The following PSMD11 variants were observed in gnomAD, a reference collection of about 807,000 sequenced individuals.
PSMD11 encodes 26S proteasome non-ATPase regulatory subunit 11.
In PSMD11, 5 loss-of-function variants were observed where a neutral mutation model predicts 62.3. The ratio of observed to expected loss-of-function variants is 0.08; its 90% CI spans 0.04 to 0.17. The LOEUF is 0.17. Among genes scored for constraint, PSMD11 ranks in the 10% least tolerant of loss-of-function variants. The probability of loss-of-function intolerance (pLI) is 1.00; values close to 1 mark genes in which losing one functional copy is unlikely to be tolerated. For synonymous variants in PSMD11, 191 were observed against 191.8 expected (o/e 1.00, Z 0.03); for missense variants, 310 against 512.9 (o/e 0.60, Z 3.82).
Position 32,473,582 on chromosome 17 carries a change from A to AT in PSMD11, c.644-206dup, listed in dbSNP as rs112811195. ...GGCGTGAGCTGAAACCGTGCCCAGC[A>AT]TTTTTTTTTTTTTCAAGAGATGGGG... is the stretch of plus-strand genomic sequence containing the variant. On this transcript the variant is annotated intron_variant, in intron 6 of 13. Transcript: ENST00000261712. 7.9e-3 allele frequency among the ~76,000 whole-genome samples: 1,071 copies of AT among 135,802 alleles called. 12 individuals are homozygous for AT. Among genetic ancestry groups the AT allele is most frequent in the African/African-American group, 0.022 (816 of 36,868 alleles). 89.1% of individuals were successfully genotyped at this position (135,802 alleles called of 152,430 possible). A position where few individuals can be genotyped will look rare whatever the true frequency, so the allele number is the denominator to read the frequency against.
At chr17:32,463,749 A>G (rs1907911877) in intron 3 of PSMD11, among the ~76,000 whole-genome samples, 1 of 152,214 alleles carries the variant, frequency 6.6e-6, no homozygotes, top group African/African-American at 2.4e-5. Flanking sequence ...AGAAATCTAC[A>G]TTCCAGGTCT....
chr17:32,477,445 C>T, intron 8 of PSMD11, 76 bp from the exon 9 acceptor site: 1 of 1,264,234 alleles, frequency 7.9e-7, no homozygotes, highest in African/African-American at 1.5e-5. Context: ...GTGGACACAG[C>T]ATACTGCTTA....
chr17:32,466,366 T>C (rs1907993473), intron 5 of PSMD11, among the ~76,000 whole-genome samples: 1 of 152,158 alleles, frequency 6.6e-6, no homozygotes, highest in African/African-American at 2.4e-5. Flanking sequence ...TACTAAGCTA[T>C]TTGTATCTTT....
intron 1 of PSMD11, chr17:32,444,836 C>T: frequency 1.7e-6 from 1 of 577,912 alleles, no homozygotes; most frequent in Non-Finnish European, 3.0e-6. Flanking sequence ...TCGCCGGCTG[C>T]TGACTCACGG....
chr17:32,454,758 T>C (rs776164726), intron 3 of PSMD11, 139 bp downstream of exon 3: 162 of 912,152 alleles, frequency 1.8e-4, no homozygotes, highest in Non-Finnish European at 2.4e-4. Context: ...TCAGTTTCTC[T>C]TTGTTACAGG....
intron 10 of PSMD11, 97 bp downstream of exon 10, chr17:32,479,473 T>C: frequency 6.7e-7 from 1 of 1,493,476 alleles, no homozygotes; most frequent in East Asian, 2.3e-5. Context: ...CTTCTAGGGG[T>C]GTGCCTGGTG....
intron 2 of PSMD11, among the ~76,000 whole-genome samples, chr17:32,453,791 A>C (rs529463693): frequency 6.6e-6 from 1 of 152,190 alleles, no homozygotes; most frequent in Admixed American, 6.5e-5. Context: ...TTTAGAGTTC[A>C]TATACTGCCC....
chr17:32,444,643 C>T, intron 1 of PSMD11, 29 bp downstream of exon 1: 2 of 1,609,886 alleles, frequency 1.2e-6, no homozygotes, highest in Non-Finnish European at 1.7e-6. Flanking sequence ...CCTCCCCGGC[C>T]CCGCCGGCCC....
intron 3 of PSMD11, chr17:32,463,366 A>C (rs904615369): frequency 6.6e-6 from 1 of 152,156 alleles, no homozygotes; most frequent in African/African-American, 2.4e-5. Context: ...TAATTAAAAA[A>C]ATTTTTTTTA....
intron 2 of PSMD11, 133 bp from the exon 3 acceptor site, chr17:32,454,362 C>G (rs952382498): frequency 2.3e-6 from 2 of 860,140 alleles, no homozygotes; most frequent in South Asian, 1.7e-5. Flanking sequence ...GCTTTAAACT[C>G]CTAGTAAGTT....
intron 3 of PSMD11, among the ~76,000 whole-genome samples, chr17:32,455,106 T>C (rs532978445): frequency 6.6e-6 from 1 of 152,346 alleles, no homozygotes; most frequent in South Asian, 2.1e-4. Flanking sequence ...GACTAGACCC[T>C]GAGCTGTATT....
intron 1 of PSMD11, chr17:32,445,930 C>T (rs979785344): frequency 2.0e-5 from 3 of 152,206 alleles, no homozygotes; most frequent in Admixed American, 1.3e-4. Context: ...CCAGAGTCAT[C>T]TCAATCACCG....
chr17:32,454,265 A>G (rs935949568), intron 2 of PSMD11, among the ~76,000 whole-genome samples: 1 of 152,248 alleles, frequency 6.6e-6, no homozygotes, highest in African/African-American at 2.4e-5. Flanking sequence ...GCAACTTCAT[A>G]GTAATCCAGT....
At chr17:32,474,657 G>A in intron 7 of PSMD11, 107 bp from the exon 8 acceptor site, 1 of 1,092,298 alleles carries the variant, frequency 9.2e-7, no homozygotes, top group Non-Finnish European at 1.4e-6. Flanking sequence ...TGTCTGTGTG[G>A]GCAGAGTCTT....
intron 2 of PSMD11, among the ~76,000 whole-genome samples, chr17:32,452,089 C>T (rs534247482): frequency 6.6e-6 from 1 of 152,174 alleles, no homozygotes; most frequent in Non-Finnish European, 1.5e-5. Context: ...TGCATGCCAC[C>T]TGTTTTTGTA....
chr17:32,462,647 G>A (rs1472059774), intron 3 of PSMD11, among the ~76,000 whole-genome samples: 1 of 152,092 alleles, frequency 6.6e-6, no homozygotes, highest in Non-Finnish European at 1.5e-5. Flanking sequence ...CTGTCAATTT[G>A]GATTATGTCC....
At chr17:32,444,851 C>A (rs1907279884) in intron 1 of PSMD11, 2 of 570,296 alleles carry the variant, frequency 3.5e-6, no homozygotes, top group Admixed American at 3.4e-5. Flanking sequence ...TCACGGGGGG[C>A]TCAGCGTAGG....
intron 5 of PSMD11, among the ~76,000 whole-genome samples, chr17:32,467,566 A>G (rs1315670888): frequency 6.6e-6 from 1 of 152,176 alleles, no homozygotes; most frequent in Admixed American, 6.5e-5. Flanking sequence ...GTATGTCTTC[A>G]GATAAATATT....
chr17:32,473,576 C>G (rs1908234794), intron 6 of PSMD11, among the ~76,000 whole-genome samples: 1 of 151,668 alleles, frequency 6.6e-6, no homozygotes, highest in Middle Eastern at 3.4e-3. Context: ...TGAAACCGTG[C>G]CCAGCATTTT....
Sources: allele counts gnomAD v4.1 joint callset (sites outside exome capture counted in the v4.1 genomes callset), GRCh38; gene constraint gnomAD v4.1.1; transcripts MANE v1.5; gene names NCBI Gene and HGNC (gene_info 2026-07-23, HGNC 2026-07-21).